The following GYG1 variants were observed in gnomAD, a reference collection of about 807,000 sequenced individuals.
GYG1 encodes glycogenin 1.
In GYG1, 44 loss-of-function variants were observed where a neutral mutation model predicts 41.9. The observed-to-expected ratio is 1.05, with a 90% confidence interval of 0.83 to 1.35. The LOEUF is 1.35. Ranked by LOEUF, GYG1 falls within the 40% of genes most tolerant of loss-of-function variation. GYG1 has a pLI of 0.00. For synonymous variants in GYG1, 141 were observed against 158.1 expected (o/e 0.89, Z 0.81); for missense variants, 429 against 418.9 (o/e 1.02, Z -0.21).
chr3:149,020,366 C>A (rs1378386779), intron 5 of GYG1, among the ~76,000 whole-genome samples: 2 of 152,200 alleles, frequency 1.3e-5, no homozygotes, highest in Non-Finnish European at 2.9e-5. Flanking sequence ...TCAGACAATA[C>A]CCTTATAATT....
At position 149,013,846 on chromosome 3, in the gene GYG1, C is replaced by T. The variant is rs542439085; in HGVS notation, c.608+4444C>T. 2.0e-5 allele frequency among the ~76,000 whole-genome samples: 3 copies of T among 152,310 alleles called. No individual in the cohort carries two copies. The South Asian group carries it at 6.2e-4, about 32-fold the overall frequency. On this transcript the variant is annotated intron_variant, in intron 5 of 7. Coordinates refer to ENST00000345003, the MANE Select transcript of GYG1 (RefSeq NM_004130.4). ...AACTATTGTTATTGGAAGCCGTAGTCTATTTTCATTTCTTTTCACACTCAT... is the reference window on the plus strand; with the variant it reads ...AACTATTGTTATTGGAAGCCGTAGTTTATTTTCATTTCTTTTCACACTCAT...
In GYG1 at chr3:149,024,647, A is replaced by G. The variant is rs1007300454; in HGVS notation, c.828+375A>G. The stretch of plus-strand genomic sequence containing the variant: ...GCAAACATTTAGATGTATCTACTTT[A>G]TATTTGCCATCTGCTTAGAAGAATG... On this transcript the variant is annotated intron_variant, in intron 6 of 7. Transcript: ENST00000345003. Among the ~76,000 whole-genome samples, 12 of 152,358 alleles carry G rather than the reference A, an allele frequency of 7.9e-5. No individual in the cohort carries two copies. The East Asian group carries it at 9.6e-4, about 12-fold the overall frequency.
At chr3:149,009,554 G>GC in intron 5 of GYG1, 152 bp downstream of exon 5, 1 of 827,446 alleles carries the variant, frequency 1.2e-6, no homozygotes, top group Non-Finnish European at 2.1e-6. Flanking sequence ...CTGCAATGGG[G>GC]AGAGGCCTTG....
intron 5 of GYG1, among the ~76,000 whole-genome samples, chr3:149,017,766 G>C (rs1714151579): frequency 1.4e-5 from 2 of 147,628 alleles, no homozygotes; most frequent in South Asian, 4.2e-4. Context: ...GCCATGCCCA[G>C]CTAGTTTTTT....
intron 1 of GYG1, 23 bp from the exon 2 acceptor site, chr3:148,994,119 G>GTT (rs368468774): frequency 2.0e-5 from 29 of 1,429,108 alleles, no homozygotes; most frequent in African/African-American, 1.3e-4. Flanking sequence ...TGTAATGAGT[G>GTT]TTTTTTTTTT....
Position 148,994,199 on chromosome 3 carries a change from T to C in GYG1, c.65T>C (p.Leu22Pro). 4 of 1,613,984 alleles carry C rather than the reference T, an allele frequency of 2.5e-6. No individual in the cohort carries two copies. The highest frequency in any genetic ancestry group is 3.4e-6 in the Non-Finnish European group (4 of 1,179,868). The change falls in exon 2 of 8, where the codon CTG becomes CCG. Residue 22 changes from leucine to proline, a missense_variant. Physicochemically the swap from Leu to Pro is moderately conservative, Grantham distance 98. Coordinates refer to ENST00000345003, the MANE Select transcript of GYG1 (RefSeq NM_004130.4). The part of the protein sequence containing the change: ...NDAYAKGALV[L>P]GSSLKQHRTT... The stretch of plus-strand genomic sequence containing the variant: ...GCCTACGCCAAAGGTGCCCTGGTCC[T>C]GGGATCATCTCTGAAACAGCACAGG...
rs972420243 is a variant in GYG1, at chr3:149,028,971, C to A, written c.*2038C>A. 6.6e-6 allele frequency among the ~76,000 whole-genome samples: 1 copy of A among 152,164 alleles called. No individual in the cohort carries two copies. Among genetic ancestry groups the A allele is most frequent in the East Asian group, 1.9e-4 (1 of 5,188 alleles). ...TGACCTCGTGATCCACCGGCCTTGG[C>A]CTCCCAAAGTGCTGGGATTACAGGC... On this transcript the variant is annotated 3_prime_UTR_variant, in exon 8 of 8. Transcript: ENST00000345003.
intron 4 of GYG1, among the ~76,000 whole-genome samples, chr3:149,001,991 A>G (rs998231972): frequency 1.3e-5 from 2 of 152,278 alleles, no homozygotes; most frequent in African/African-American, 2.4e-5. Flanking sequence ...TTCTATCTCT[A>G]TTGCTACTGT....
Position 149,009,456 on chromosome 3 carries a change from G to A in GYG1, c.608+54G>A, listed in dbSNP as rs75198264. 6,048 of 1,580,138 alleles carry A rather than the reference G, an allele frequency of 3.8e-3. 18 individuals carry two copies. Among genetic ancestry groups the A allele is most frequent in the Non-Finnish European group, 4.6e-3 (5,284 of 1,149,362 alleles). ...GAGATGTTGAGGGCAGAGAATTGGG[G>A]TGTACAATTTTGGGGCTGCTTCATT... On this transcript the variant is annotated intron_variant, in intron 5 of 7. Coordinates refer to ENST00000345003, the MANE Select transcript of GYG1 (RefSeq NM_004130.4).
intron 4 of GYG1, among the ~76,000 whole-genome samples, chr3:149,005,361 A>G (rs1359959236): frequency 6.6e-6 from 1 of 152,210 alleles, no homozygotes; most frequent in Non-Finnish European, 1.5e-5. Flanking sequence ...TAATGCAATT[A>G]CTATTATTTT....
At chr3:149,003,181 T>C (rs1713195949) in intron 4 of GYG1, among the ~76,000 whole-genome samples, 1 of 150,798 alleles carries the variant, frequency 6.6e-6, no homozygotes, top group Non-Finnish European at 1.5e-5. Flanking sequence ...AATGGTGCAA[T>C]CTCGGCTCAC....
intron 4 of GYG1, chr3:149,004,131 G>C (rs1272508097): frequency 6.6e-6 from 1 of 152,220 alleles, no homozygotes; most frequent in Non-Finnish European, 1.5e-5. Context: ...TCGCAAAACA[G>C]ATGCGATGTG....
Position 149,031,594 on chromosome 3 carries a change from C to T in GYG1, c.*4661C>T, listed in dbSNP as rs1715054243. ...TAACTAAAATGGAAAAAATAGTACTCTTAACATAATCCCTAATTTTTTCAT... is the reference window on the plus strand; with the variant it reads ...TAACTAAAATGGAAAAAATAGTACTTTTAACATAATCCCTAATTTTTTCAT... On this transcript the variant is annotated 3_prime_UTR_variant, in exon 8 of 8. Transcript: ENST00000345003. The T allele has an allele frequency of 6.6e-6, 1 of 152,336 alleles. No individual in the cohort carries two copies. The allele number at this position is 152,336 out of a possible 1,614,324, so 9.4% of individuals were successfully genotyped here.
In GYG1 at chr3:149,014,027, T is replaced by G. The variant is rs1383812759; in HGVS notation, c.608+4625T>G. Among the ~76,000 whole-genome samples, 4 of 152,188 alleles carry G rather than the reference T, an allele frequency of 2.6e-5. No individual in the cohort carries two copies. The East Asian group carries it at 7.7e-4, about 29-fold the overall frequency. On this transcript the variant is annotated intron_variant, in intron 5 of 7. Transcript: ENST00000345003. The stretch of plus-strand genomic sequence containing the variant: ...GCTCACTCAAGGCCTCAGAGATGAA[T>G]AAGGGAGCTTGGAGTCTAATCCACT...
At chr3:149,005,679 G>A (rs573981144) in intron 4 of GYG1, among the ~76,000 whole-genome samples, 1 of 152,140 alleles carries the variant, frequency 6.6e-6, no homozygotes, top group Non-Finnish European at 1.5e-5. Context: ...TGAGCAAAAG[G>A]CCATAATCTC....
Position 148,996,442 on chromosome 3 carries a change from A to G in GYG1, c.284A>G (p.Tyr95Cys), listed in dbSNP as rs139797816. 253 of 1,613,816 alleles carry G rather than the reference A, an allele frequency of 1.6e-4. No individual in the cohort carries two copies. Among genetic ancestry groups the G allele is most frequent in the Non-Finnish European group, 2.1e-4 (242 of 1,179,810 alleles). The change falls in exon 3 of 8, where the codon TAT becomes TGT. Residue 95 changes from tyrosine (Y) to cysteine (C), a missense_variant. Coordinates refer to ENST00000345003, the MANE Select transcript of GYG1 (RefSeq NM_004130.4). ...CTCCACTGCTGGTCGCTTACACAGT[A>G]TTCAAAATGTGTATTCATGGATGCA... ...TKLHCWSLTQ[Y>C]SKCVFMDADT... is the part of the protein sequence containing the mutation.
chr3:149,006,216 G>A (rs866344083), intron 4 of GYG1, among the ~76,000 whole-genome samples: 9 of 151,482 alleles, frequency 5.9e-5, no homozygotes, highest in African/African-American at 1.9e-4. Flanking sequence ...CCAAGTAGCT[G>A]GAACTATAGG....
rs1714770095 is a variant in GYG1, at chr3:149,028,523, T to A, written c.*1590T>A. Among the ~76,000 whole-genome samples the A allele has an allele frequency of 6.6e-6, 1 of 152,146 alleles. No individual in the cohort carries two copies. On this transcript the variant is annotated 3_prime_UTR_variant, in exon 8 of 8. Coordinates refer to ENST00000345003, the MANE Select transcript of GYG1 (RefSeq NM_004130.4). ...AAAATTTTAGCTAGTCAGAGGTCTTTCTGGCTTCCGAGTCCCTGGTTAAGA... is the reference window on the plus strand; with the variant it reads ...AAAATTTTAGCTAGTCAGAGGTCTTACTGGCTTCCGAGTCCCTGGTTAAGA...
rs1196511043 is a variant in GYG1, at chr3:149,028,265, TAAGTC to T, written c.*1336_*1340del. Among the ~76,000 whole-genome samples the T allele has an allele frequency of 2.6e-5, 4 of 152,194 alleles. No homozygotes were observed. Among genetic ancestry groups the T allele is most frequent in the African/African-American group, 4.8e-5 (2 of 41,456 alleles). The stretch of plus-strand genomic sequence containing the variant: ...TTAATATACAAGCATATAGACAGCT[TAAGTC>T]AAGAATGGTTGGGGCCACCTTGAAG... On this transcript the variant is annotated 3_prime_UTR_variant, in exon 8 of 8. Coordinates refer to ENST00000345003, the MANE Select transcript of GYG1 (RefSeq NM_004130.4).
Sources: gnomAD v4.1 joint callset for allele counts (sites outside exome capture counted in the v4.1 genomes callset) on GRCh38, gnomAD v4.1.1 for gene constraint, MANE v1.5 for transcripts, NCBI Gene and HGNC (gene_info 2026-07-23, HGNC 2026-07-21) for gene names.